Variants in LRRC74A observed in about 807,000 individuals in gnomAD.
LRRC74A encodes leucine rich repeat containing 74A, also known as leucine-rich repeat-containing protein 74A.
LRRC74A carries 44 observed loss-of-function variants against 57.9 expected under a neutral mutation model. The observed-to-expected ratio is 0.76, with a 90% CI of 0.60 to 0.98. The LOEUF (loss-of-function observed/expected upper bound fraction) is 0.98, where lower values mean the gene tolerates loss of function less well. Among genes scored for constraint, LRRC74A ranks in the 50% least tolerant of loss-of-function variants. The pLI, the probability that LRRC74A is intolerant of heterozygous loss-of-function variation, is 0.00. For synonymous variants in LRRC74A, 211 were observed against 219.4 expected, an observed-to-expected ratio of 0.96 and a Z score of 0.34; for missense variants, 572 against 574.0, an observed-to-expected ratio of 1.00 and a Z score of 0.04.
chr14:76,834,223 C>T (rs1896164226), intron 3 of LRRC74A, among the ~76,000 whole-genome samples: 1 of 152,162 alleles, frequency 6.6e-6, no homozygotes, highest in African/African-American at 2.4e-5. Context: ...AAGAACAAAG[C>T]CGTCTTGAGA....
At chr14:76,842,383 A>G (rs910282569) in intron 5 of LRRC74A, among the ~76,000 whole-genome samples, 2 of 152,230 alleles carry the variant, frequency 1.3e-5, no homozygotes, top group African/African-American at 4.8e-5. Flanking sequence ...ATGTGTTAAC[A>G]TAGTACAGAA....
chr14:76,865,997 C>T lies in LRRC74A; in HGVS notation c.1230C>T (p.Ile410=), dbSNP rs773789392. 27 of 1,600,576 alleles carry T rather than the reference C, an allele frequency of 1.7e-5. No individual in the cohort carries two copies. The highest frequency in any genetic ancestry group is 2.2e-5 in the South Asian group (2 of 89,844). ...ATGCAGACCAACACAAAATCACGATCGTGGACTTCTTCAAGAGCTTGAACC... is the reference window on the plus strand; with the variant it reads ...ATGCAGACCAACACAAAATCACGATTGTGGACTTCTTCAAGAGCTTGAACC... ...QSYADQHKIT[I]VDFFKSLNPT... Residue 410 remains isoleucine, a synonymous_variant, in exon 12 of 14, where the codon ATC becomes ATT. Coordinates refer to ENST00000689127, the MANE Select transcript of LRRC74A (RefSeq NM_001385106.1).
At chr14:76,859,275 C>T (rs181223207) in intron 10 of LRRC74A, among the ~76,000 whole-genome samples, 8 of 152,264 alleles carry the variant, frequency 5.3e-5, no homozygotes, top group African/African-American at 1.9e-4. Context: ...TGACTCACGC[C>T]TGTAATCCCA....
At chr14:76,863,637 G>A (rs1298645508) in intron 11 of LRRC74A, among the ~76,000 whole-genome samples, 1 of 152,234 alleles carries the variant, frequency 6.6e-6, no homozygotes, top group Non-Finnish European at 1.5e-5. Flanking sequence ...GGGCAGGGCT[G>A]TGTGGGGTCT....
chr14:76,836,321 T>C lies in LRRC74A; in HGVS notation c.447+7T>C. On this transcript the variant is annotated splice_region_variant and intron_variant, in intron 4 of 13. Transcript: ENST00000689127. The stretch of plus-strand genomic sequence containing the variant: ...CTACTACCTCCAGGAGATGGTACTG[T>C]GCCCCCCTGTGCTGGCTCTTACCAT... The C allele has an allele frequency of 6.3e-7, 1 of 1,575,920 alleles. No homozygotes were observed.
chr14:76,864,170 G>A (rs1002877003), intron 11 of LRRC74A, among the ~76,000 whole-genome samples: 15 of 152,298 alleles, frequency 9.8e-5, no homozygotes, highest in Admixed American at 7.2e-4. Context: ...CACTTTGGAT[G>A]TGTTGATTGA....
intron 11 of LRRC74A, among the ~76,000 whole-genome samples, chr14:76,861,115 TC>T (rs1898271632): frequency 6.6e-6 from 1 of 152,190 alleles, no homozygotes; most frequent in African/African-American, 2.4e-5. Flanking sequence ...CCCGGACTCC[TC>T]CACCTGCTAG....
rs763605653 is a variant in LRRC74A at position 76,826,598 on chromosome 14, CAG to C, written c.-97_-96del. On this transcript the variant is annotated 5_prime_UTR_variant, in exon 1 of 14. It removes the in-frame stop codon of an upstream open reading frame in the 5' UTR. Coordinates refer to ENST00000689127, the MANE Select transcript of LRRC74A (RefSeq NM_001385106.1). Reference sequence around the variant, plus strand: ...GATGCCCCCAGGTGAGGGAAGTTCACAGAGTTTGAGACAGAGGTGAATGGACA... The same window carrying C: ...GATGCCCCCAGGTGAGGGAAGTTCACAGTTTGAGACAGAGGTGAATGGACA... 6.2e-7 allele frequency: 1 copy of C among 1,612,704 alleles called. No homozygotes were observed. Among genetic ancestry groups the C allele is most frequent in the Admixed American group, 1.7e-5 (1 of 59,902 alleles).
intron 8 of LRRC74A, among the ~76,000 whole-genome samples, chr14:76,852,703 C>A (rs1897591672): frequency 6.6e-6 from 1 of 151,250 alleles, no homozygotes; most frequent in South Asian, 2.1e-4. Flanking sequence ...ACTGCAGCCA[C>A]CACCTCCCTG....
At chr14:76,852,915 C>T (rs1272538341) in intron 8 of LRRC74A, among the ~76,000 whole-genome samples, 4 of 152,184 alleles carry the variant, frequency 2.6e-5, no homozygotes, top group African/African-American at 9.7e-5. Context: ...CTGCACCTGG[C>T]CTGCACATTA....
intron 9 of LRRC74A, among the ~76,000 whole-genome samples, chr14:76,855,261 A>G (rs1010575789): frequency 3.3e-5 from 5 of 152,228 alleles, no homozygotes; most frequent in African/African-American, 1.2e-4. Flanking sequence ...GAGCGGGGCC[A>G]GGCACAACTC....
chr14:76,864,345 G>A (rs1299612013), intron 11 of LRRC74A, among the ~76,000 whole-genome samples: 1 of 145,528 alleles, frequency 6.9e-6, no homozygotes, highest in Non-Finnish European at 1.5e-5. Context: ...TCGTGAGAAG[G>A]ACGTTGCCAG....
chr14:76,850,853 AAAAAAAAAAAAG>A (rs1294975221), intron 7 of LRRC74A, among the ~76,000 whole-genome samples: 5 of 32,862 alleles, frequency 1.5e-4, no homozygotes, highest in African/African-American at 5.7e-4. Context: ...TCAAAAAAAA[AAAAAAAAAAAAG>A]AAAGAAAGAA....
intron 3 of LRRC74A, 123 bp from the exon 4 acceptor site, chr14:76,836,084 G>T (rs1896308086): frequency 7.2e-6 from 5 of 695,688 alleles, no homozygotes; most frequent in Non-Finnish European, 1.3e-5. Context: ...CCCTTGCCAG[G>T]CCTTCAGAAT....
intron 7 of LRRC74A, among the ~76,000 whole-genome samples, chr14:76,850,139 T>TG (rs1566732076): frequency 6.6e-6 from 1 of 150,932 alleles, no homozygotes; most frequent in Non-Finnish European, 1.5e-5. Flanking sequence ...ACCTGGAAGG[T>TG]GGAGCTTGCA....
chr14:76,870,273 C>A lies in LRRC74A; in HGVS notation c.*124C>A. 4.5e-6 allele frequency: 5 copies of A among 1,107,252 alleles called. No homozygotes were observed. Among genetic ancestry groups the A allele is most frequent in the East Asian group, 2.6e-5 (1 of 38,622 alleles). 68.6% of individuals were successfully genotyped at this position (1,107,252 alleles called of 1,614,324 possible). A position where few individuals can be genotyped will look rare whatever the true frequency, so the allele number is the denominator to read the frequency against. ...CAGATGCTGTGGCAGGGGCTGGGCACAAGCAAATAAAGTCTGGCTTGGTTC... is the reference window on the plus strand; with the variant it reads ...CAGATGCTGTGGCAGGGGCTGGGCAAAAGCAAATAAAGTCTGGCTTGGTTC... On this transcript the variant is annotated 3_prime_UTR_variant, in exon 14 of 14. Transcript: ENST00000689127.
At chr14:76,848,308 AAAAT>A (rs138653406) in intron 7 of LRRC74A, among the ~76,000 whole-genome samples, 4,915 of 146,110 alleles carry the variant, frequency 0.034, 120 homozygotes, top group African/African-American at 0.072. Flanking sequence ...ATTACTTTCA[AAAAT>A]AAATAAATAA....
At chr14:76,848,572 A>T (rs1303356809) in intron 7 of LRRC74A, among the ~76,000 whole-genome samples, 2 of 152,190 alleles carry the variant, frequency 1.3e-5, no homozygotes, top group Non-Finnish European at 2.9e-5. Context: ...CTGTCCTCCA[A>T]AAAGAAAAAG....
intron 8 of LRRC74A, 116 bp from the exon 9 acceptor site, chr14:76,853,100 T>G: frequency 1.1e-6 from 1 of 920,896 alleles, no homozygotes; most frequent in Non-Finnish European, 1.7e-6. Context: ...CCATCAGTCC[T>G]GGGGACCACT....
Sources: allele counts gnomAD v4.1 joint callset (sites outside exome capture counted in the v4.1 genomes callset), GRCh38; gene constraint gnomAD v4.1.1; transcripts MANE v1.5; gene names NCBI Gene and HGNC (gene_info 2026-07-23, HGNC 2026-07-21).